PRIM2: variants seen among roughly 807,000 people sequenced by gnomAD.
The protein encoded by PRIM2 is DNA primase subunit 2.
In PRIM2, 39 loss-of-function variants were observed where a neutral mutation model predicts 67.3. That is an observed-to-expected ratio of 0.58 (90% CI 0.45 to 0.76). PRIM2 has a LOEUF of 0.76. PRIM2 is among the 30% of genes least tolerant of loss of function. The pLI is 0.00. For synonymous variants in PRIM2, 143 were observed against 198.7 expected (o/e 0.72, Z 2.36); for missense variants, 398 against 598.7 (o/e 0.66, Z 3.50).
At chr6:57,604,210 A>G (rs1331007313) in intron 11 of PRIM2, among the ~76,000 whole-genome samples, 7 of 152,254 alleles carry the variant, frequency 4.6e-5, no homozygotes, top group Admixed American at 2.6e-4. Context: ...CCAGCTATTC[A>G]GGAGGCAGAG....
upstream of PRIM2, among the ~76,000 whole-genome samples, chr6:57,311,866 A>G (rs375836480): frequency 5.5e-3 from 843 of 152,092 alleles, 11 homozygotes; most frequent in African/African-American, 0.019. Context: ...GTCTCCACCA[A>G]AAATACAAAA....
chr6:57,283,358 T>C, the PRIM2 span, among the ~76,000 whole-genome samples: 1 of 152,206 alleles, frequency 6.6e-6, no homozygotes, highest in Non-Finnish European at 1.5e-5. Flanking sequence ...GAACTTGGCA[T>C]ATGTTCTTGA....
rs202148483 is a variant in PRIM2 at position 57,451,720 on chromosome 6, T to TTG, written c.694-55651_694-55650dup. ...CGTGATCTCTTTTGATGTATCTGTT[T>TTG]TGTGTGTGTGTGTGTGTCTGCTTTT... is the stretch of plus-strand genomic sequence containing the variant. On this transcript the variant is annotated intron_variant, in intron 7 of 13. Transcript: ENST00000615550. Among the ~76,000 whole-genome samples the TTG allele has an allele frequency of 2.8e-4, 43 of 151,410 alleles. No homozygotes were observed. In the East Asian group the frequency reaches 2.9e-3, roughly 10 times the overall value.
chr6:57,226,060 A>T, the PRIM2 span, among the ~76,000 whole-genome samples: 1 of 152,224 alleles, frequency 6.6e-6, no homozygotes, highest in African/African-American at 2.4e-5. Flanking sequence ...CATTAAAAAA[A>T]ATACATATTG....
chr6:57,234,125 T>G, the PRIM2 span, among the ~76,000 whole-genome samples: 1 of 152,192 alleles, frequency 6.6e-6, no homozygotes, highest in Non-Finnish European at 1.5e-5. Flanking sequence ...GCTCTTTAGA[T>G]GAAAAGTCAT....
In PRIM2 at chr6:57,318,476, C is replaced by T. The variant is rs1330911078; in HGVS notation, c.31C>T (p.Leu11=). Residue 11 remains leucine (L), a synonymous_variant, in exon 2 of 14, where the codon CTG becomes TTG. Coordinates refer to ENST00000615550, the MANE Select transcript of PRIM2 (RefSeq NM_000947.5). ...GTTTTCTGGAAGAAAGTGGAGGAAG[C>T]TGAGGTTGGCAGGTGACCAGAGGAA... MEFSGRKWRK[L]RLAGDQRNAS... 6.2e-7 allele frequency: 1 copy of T among 1,611,284 alleles called. No individual in the cohort carries two copies. The highest frequency in any genetic ancestry group is 2.2e-5 in the East Asian group (1 of 44,858).
the PRIM2 span, among the ~76,000 whole-genome samples, chr6:57,292,718 G>C: frequency 6.6e-6 from 1 of 152,156 alleles, no homozygotes; most frequent in Non-Finnish European, 1.5e-5. Flanking sequence ...TAACAAACCT[G>C]ACAAAAACAA....
chr6:57,422,962 G>A (rs1771513041), intron 7 of PRIM2, among the ~76,000 whole-genome samples: 2 of 152,214 alleles, frequency 1.3e-5, no homozygotes, highest in Admixed American at 1.3e-4. Context: ...GAATGTCTCA[G>A]AATGATGAAT....
chr6:57,338,632 AG>A (rs1475029228), intron 5 of PRIM2, among the ~76,000 whole-genome samples: 4 of 150,720 alleles, frequency 2.7e-5, no homozygotes, highest in Non-Finnish European at 4.4e-5. Flanking sequence ...GATGCAGAAA[AG>A]GCCTTTGACA....
chr6:57,360,133 A>C (rs901032042), intron 5 of PRIM2, among the ~76,000 whole-genome samples: 22 of 152,360 alleles, frequency 1.4e-4, no homozygotes, highest in African/African-American at 5.0e-4. Flanking sequence ...GATTGTGGAC[A>C]GTCCTTTTTG....
chr6:57,367,992 T>C (rs114179427), intron 5 of PRIM2, among the ~76,000 whole-genome samples: 1 of 152,212 alleles, frequency 6.6e-6, no homozygotes, highest in African/African-American at 2.4e-5. Context: ...GTACTCCAGA[T>C]TGATGATTAC....
At chr6:57,527,543 G>A (rs1774785550) in intron 8 of PRIM2, among the ~76,000 whole-genome samples, 2 of 152,070 alleles carry the variant, frequency 1.3e-5, no homozygotes, top group African/African-American at 2.4e-5. Flanking sequence ...CTTCCAGTTT[G>A]TTGCCAGTCC....
chr6:57,518,276 T>C (rs1338471867), intron 8 of PRIM2, among the ~76,000 whole-genome samples: 2 of 152,218 alleles, frequency 1.3e-5, no homozygotes, highest in Non-Finnish European at 2.9e-5. Context: ...AAAATGTGTA[T>C]AGCGGTGCAT....
chr6:57,512,598 TTTTC>T (rs1347401928), intron 8 of PRIM2, among the ~76,000 whole-genome samples: 4 of 147,014 alleles, frequency 2.7e-5, no homozygotes, highest in African/African-American at 1.1e-4. Flanking sequence ...TTTCTTTTTC[TTTTC>T]TTTTTTTTTG....
the PRIM2 span, among the ~76,000 whole-genome samples, chr6:57,250,847 TGC>T: frequency 2.0e-5 from 3 of 152,188 alleles, no homozygotes; most frequent in African/African-American, 4.8e-5. Flanking sequence ...AAATCCTAAA[TGC>T]TCCAAAATTA....
At chr6:57,245,031 G>A in the PRIM2 span, among the ~76,000 whole-genome samples, 1 of 152,180 alleles carries the variant, frequency 6.6e-6, no homozygotes, top group African/African-American at 2.4e-5. Context: ...GCTCCCGGCA[G>A]GGAAGAACTG....
rs1771055607 is a variant in PRIM2 at position 57,410,586 on chromosome 6, C to CT, written c.693+28420dup. The stretch of plus-strand genomic sequence containing the variant: ...TCTTTTTCCAAAAATTGTTTTGGCT[C>CT]TTCTAGGTCTTGTAACTATGCTAAA... On this transcript the variant is annotated intron_variant, in intron 7 of 13. Coordinates refer to ENST00000615550, the MANE Select transcript of PRIM2 (RefSeq NM_000947.5). Among the ~76,000 whole-genome samples the CT allele has an allele frequency of 2.6e-5, 4 of 151,900 alleles. 1 individual carries two copies. In the South Asian group the frequency reaches 8.3e-4, roughly 32 times the overall value.
intron 7 of PRIM2, among the ~76,000 whole-genome samples, chr6:57,448,987 G>A (rs6459227): frequency 1.3e-5 from 2 of 152,138 alleles, no homozygotes; most frequent in Non-Finnish European, 2.9e-5. Context: ...ACTCAGTTTT[G>A]TAGGTTTCTC....
At chr6:57,589,199 G>C (rs1776244005) in intron 10 of PRIM2, among the ~76,000 whole-genome samples, 2 of 152,156 alleles carry the variant, frequency 1.3e-5, no homozygotes, top group African/African-American at 4.8e-5. Flanking sequence ...TATGCACCTA[G>C]AATGATTCTA....
Sources: allele counts gnomAD v4.1 joint callset (sites outside exome capture counted in the v4.1 genomes callset), GRCh38; gene constraint gnomAD v4.1.1; transcripts MANE v1.5; gene names NCBI Gene and HGNC (gene_info 2026-07-23, HGNC 2026-07-21).